RPS6KC1: variants seen among roughly 807,000 people sequenced by gnomAD.
RPS6KC1 encodes the protein inactive ribosomal protein S6 kinase delta-1.
A neutral mutation model predicts 103.8 loss-of-function variants in RPS6KC1; 54 were observed. The ratio of observed to expected loss-of-function variants is 0.52; its 90% CI spans 0.42 to 0.65. The LOEUF (loss-of-function observed/expected upper bound fraction) is 0.65. Ranked by LOEUF, RPS6KC1 falls within the 30% of genes least tolerant of loss-of-function variation. RPS6KC1 has a pLI of 0.00. For synonymous variants in RPS6KC1, 439 were observed against 438.7 expected, an observed-to-expected ratio of 1.00 and a Z score of -0.01; for missense variants, 1,151 against 1,253.8, an observed-to-expected ratio of 0.92 and a Z score of 1.24.
the RPS6KC1 span, among the ~76,000 whole-genome samples, chr1:213,795,174 T>C: frequency 6.6e-6 from 1 of 152,244 alleles, no homozygotes; most frequent in African/African-American, 2.4e-5. Context: ...TTTCTCTGTA[T>C]ATCTATCCAT....
chr1:213,540,086 T>TG, the RPS6KC1 span, among the ~76,000 whole-genome samples: 135,603 of 152,138 alleles, frequency 0.89, 60,548 homozygotes, highest in East Asian at 0.98. Flanking sequence ...GGGTGGTGGT[T>TG]CTGAAGGTTG....
At chr1:213,334,456 A>G in the RPS6KC1 span, among the ~76,000 whole-genome samples, 2 of 152,220 alleles carry the variant, frequency 1.3e-5, no homozygotes, top group African/African-American at 4.8e-5. Flanking sequence ...TGCAAAATCC[A>G]AATGAAATGT....
the RPS6KC1 span, among the ~76,000 whole-genome samples, chr1:213,305,210 G>C: frequency 6.6e-6 from 1 of 151,960 alleles, no homozygotes; most frequent in Non-Finnish European, 1.5e-5. Context: ...TCAGCCTCCC[G>C]AGTAGCTGGG....
At chr1:213,155,447 T>TC (rs1251116484) in intron 6 of RPS6KC1, among the ~76,000 whole-genome samples, 1 of 152,160 alleles carries the variant, frequency 6.6e-6, no homozygotes, top group Non-Finnish European at 1.5e-5. Context: ...GATCAGTGAT[T>TC]CCCCTCTGGC....
At chr1:213,131,937 CAAAT>C (rs1163880311) in intron 6 of RPS6KC1, among the ~76,000 whole-genome samples, 4 of 152,136 alleles carry the variant, frequency 2.6e-5, no homozygotes, top group African/African-American at 7.2e-5. Flanking sequence ...TTAATTGACA[CAAAT>C]AAAACACATC....
chr1:213,429,247 C>T, the RPS6KC1 span, among the ~76,000 whole-genome samples: 4 of 152,098 alleles, frequency 2.6e-5, no homozygotes, highest in Non-Finnish European at 5.9e-5. Flanking sequence ...GCCTCCTGGG[C>T]TCAAGTGATC....
At chr1:213,502,521 CTT>C in the RPS6KC1 span, among the ~76,000 whole-genome samples, 1 of 152,074 alleles carries the variant, frequency 6.6e-6, no homozygotes, top group African/African-American at 2.4e-5. Context: ...ATGTATCAAA[CTT>C]AGTGACAAAC....
intron 8 of RPS6KC1, among the ~76,000 whole-genome samples, chr1:213,205,641 C>A (rs931913188): frequency 6.9e-6 from 1 of 145,950 alleles, no homozygotes; most frequent in African/African-American, 2.5e-5. Context: ...TTAATGATAT[C>A]ATCTTAAGGA....
chr1:213,712,563 G>GA, the RPS6KC1 span, among the ~76,000 whole-genome samples: 1 of 152,152 alleles, frequency 6.6e-6, no homozygotes, highest in African/African-American at 2.4e-5. Flanking sequence ...ACTGGGATAT[G>GA]AAAAAAACTC....
the RPS6KC1 span, among the ~76,000 whole-genome samples, chr1:213,536,098 G>C: frequency 6.6e-6 from 1 of 152,114 alleles, no homozygotes; most frequent in Non-Finnish European, 1.5e-5. Flanking sequence ...TCTGCTAGAG[G>C]CATATGTACG....
chr1:213,749,598 AT>A, the RPS6KC1 span, among the ~76,000 whole-genome samples: 1 of 152,112 alleles, frequency 6.6e-6, no homozygotes, highest in African/African-American at 2.4e-5. Flanking sequence ...CTCTCCTTGC[AT>A]CCCCACAACC....
the RPS6KC1 span, among the ~76,000 whole-genome samples, chr1:213,363,707 T>TCTC: frequency 1.7e-5 from 2 of 116,406 alleles, no homozygotes; most frequent in Non-Finnish European, 3.4e-5. Flanking sequence ...TCTTTCCTTC[T>TCTC]TTCTTTCTTT....
chr1:213,086,462 C>T (rs1156452408), intron 3 of RPS6KC1, among the ~76,000 whole-genome samples: 1 of 152,216 alleles, frequency 6.6e-6, no homozygotes, highest in Non-Finnish European at 1.5e-5. Flanking sequence ...ACATTGCCTC[C>T]AATGAGATCT....
the RPS6KC1 span, among the ~76,000 whole-genome samples, chr1:213,328,699 T>TCTA: frequency 4.6e-5 from 7 of 150,792 alleles, no homozygotes; most frequent in Non-Finnish European, 1.5e-5. Context: ...TTCTAGACAG[T>TCTA]GGGGGTTAGA....
the RPS6KC1 span, among the ~76,000 whole-genome samples, chr1:213,741,366 C>T: frequency 1.3e-5 from 2 of 152,120 alleles, no homozygotes; most frequent in Non-Finnish European, 2.9e-5. Flanking sequence ...GCGTTTGTAG[C>T]TTCTCTGGAT....
At chr1:213,325,649 GCTTCTGGGA>G in the RPS6KC1 span, among the ~76,000 whole-genome samples, 729 of 152,296 alleles carry the variant, frequency 4.8e-3, 4 homozygotes, top group African/African-American at 0.013. Context: ...CACCACTTCC[GCTTCTGGGA>G]AAGAGGAAGG....
intron 5 of RPS6KC1, among the ~76,000 whole-genome samples, chr1:213,118,672 G>A (rs574175733): frequency 4.0e-5 from 6 of 151,786 alleles, no homozygotes; most frequent in South Asian, 4.2e-4. Context: ...TGGTACTACC[G>A]TATTGAGAAG....
chr1:213,825,538 C>G, the RPS6KC1 span, among the ~76,000 whole-genome samples: 2 of 152,152 alleles, frequency 1.3e-5, no homozygotes, highest in African/African-American at 4.8e-5. Context: ...TTAATGCCAG[C>G]CAGTGGTGGC....
At chr1:213,589,492 A>T in the RPS6KC1 span, among the ~76,000 whole-genome samples, 1,773 of 152,080 alleles carry the variant, frequency 0.012, 37 homozygotes, top group African/African-American at 0.041. Context: ...ATACAAAAAT[A>T]TTAGCCAGGC....
Sources: allele counts gnomAD v4.1 joint callset (sites outside exome capture counted in the v4.1 genomes callset), GRCh38; gene constraint gnomAD v4.1.1; transcripts MANE v1.5; gene names NCBI Gene and HGNC (gene_info 2026-07-23, HGNC 2026-07-21).